The following SGCZ variants were observed in gnomAD, a reference collection of about 807,000 sequenced individuals.
SGCZ encodes zeta-sarcoglycan.
SGCZ carries 40 observed loss-of-function variants against 41.3 expected under a neutral mutation model. The ratio of observed to expected loss-of-function variants is 0.97; its 90% CI spans 0.75 to 1.26. The LOEUF is 1.26. Ranked by LOEUF, SGCZ falls within the 50% of genes most tolerant of loss-of-function variation. The probability of loss-of-function intolerance (pLI) is 0.00; values close to 1 mark genes in which losing one functional copy is unlikely to be tolerated. For missense variants in SGCZ, 552 were observed against 369.8 expected (o/e 1.49, Z -4.04); for synonymous variants, 206 against 137.5 (o/e 1.50, Z -3.49).
At chr8:14,995,035 C>A in intron 1 of SGCZ, among the ~76,000 whole-genome samples, 1 of 152,316 alleles carries the variant, frequency 6.6e-6, no homozygotes, top group Admixed American at 6.5e-5. Context: ...TTCTTAGGAC[C>A]ATGAGAAATC....
intron 4 of SGCZ, among the ~76,000 whole-genome samples, chr8:14,169,338 A>C (rs1333371373): frequency 6.6e-6 from 1 of 152,142 alleles, no homozygotes; most frequent in East Asian, 1.9e-4. Flanking sequence ...CCTTCTTGAA[A>C]GCATCTTATT....
chr8:14,727,706 G>A (rs1375672461), intron 1 of SGCZ, among the ~76,000 whole-genome samples: 3 of 151,954 alleles, frequency 2.0e-5, no homozygotes, highest in Non-Finnish European at 4.4e-5. Flanking sequence ...TGGAGACGGG[G>A]TTGCACCGTG....
intron 2 of SGCZ, among the ~76,000 whole-genome samples, chr8:14,484,718 A>T (rs1801626681): frequency 6.6e-6 from 1 of 152,166 alleles, no homozygotes; most frequent in Non-Finnish European, 1.5e-5. Flanking sequence ...CAATTTTAAA[A>T]TATTGTGCCC....
At chr8:14,104,844 A>G (rs1802152606) in intron 6 of SGCZ, among the ~76,000 whole-genome samples, 1 of 152,144 alleles carries the variant, frequency 6.6e-6, no homozygotes, top group Non-Finnish European at 1.5e-5. Context: ...AACAATGAGA[A>G]TTATGAAAAG....
intron 1 of SGCZ, among the ~76,000 whole-genome samples, chr8:14,745,573 T>C (rs1799317585): frequency 6.6e-6 from 1 of 152,046 alleles, no homozygotes; most frequent in South Asian, 2.1e-4. Flanking sequence ...AGACCCTGAC[T>C]CTAAATACAC....
At chr8:14,229,620 T>C (rs897578758) in intron 4 of SGCZ, among the ~76,000 whole-genome samples, 1 of 149,724 alleles carries the variant, frequency 6.7e-6, no homozygotes, top group Non-Finnish European at 1.5e-5. Context: ...CTTATTAAAT[T>C]ATCCCAGACT....
chr8:14,444,269 C>G (rs566959041), intron 2 of SGCZ, among the ~76,000 whole-genome samples: 4 of 152,078 alleles, frequency 2.6e-5, no homozygotes, highest in Non-Finnish European at 5.9e-5. Context: ...CCTCAGGGAT[C>G]TAGAACTAGA....
At chr8:14,346,181 G>A (rs1802886261) in intron 2 of SGCZ, among the ~76,000 whole-genome samples, 1 of 151,972 alleles carries the variant, frequency 6.6e-6, no homozygotes, top group African/African-American at 2.4e-5. Context: ...GTTACTAATA[G>A]GAGAAACTGG....
intron 4 of SGCZ, among the ~76,000 whole-genome samples, chr8:14,186,203 T>C (rs1422193001): frequency 6.6e-6 from 1 of 152,192 alleles, no homozygotes; most frequent in Non-Finnish European, 1.5e-5. Flanking sequence ...CAGCTTAAAA[T>C]CATTTTGAAA....
chr8:14,299,833 T>C (rs533049452), intron 3 of SGCZ, among the ~76,000 whole-genome samples: 1 of 151,564 alleles, frequency 6.6e-6, no homozygotes, highest in South Asian at 2.1e-4. Flanking sequence ...AATTTATATG[T>C]CTGAAGAAAA....
rs561693608 is a variant in SGCZ, at chr8:14,527,323, G to A, written c.234+27409C>T. 5.3e-5 allele frequency among the ~76,000 whole-genome samples: 8 copies of A among 152,194 alleles called. No homozygotes were observed. The South Asian group carries it at 1.7e-3, about 32-fold the overall frequency. ...TTCAGTTTGTTTGTTTGTTTGATAG[G>A]TGGGGTCTTGTTCTGTCATCCAGGC... is the stretch of plus-strand genomic sequence containing the variant. On this transcript the variant is annotated intron_variant, in intron 2 of 7. Transcript: ENST00000382080.
Position 14,719,859 on chromosome 8 carries a change from T to C in SGCZ, c.40-164933A>G, listed in dbSNP as rs1658511476. On this transcript the variant is annotated intron_variant, in intron 1 of 7. Transcript: ENST00000382080. ...GCTGTGCAGAAGCTCTTGAGTTTAA[T>C]GAGATCCCATTTGTCAATTTTGGCT... Among the ~76,000 whole-genome samples, 4 of 152,184 alleles carry C rather than the reference T, an allele frequency of 2.6e-5. No homozygotes were observed. In the East Asian group the frequency reaches 5.8e-4, roughly 22 times the overall value.
At chr8:14,632,360 A>T (rs1806686707) in intron 1 of SGCZ, among the ~76,000 whole-genome samples, 1 of 152,046 alleles carries the variant, frequency 6.6e-6, no homozygotes, top group African/African-American at 2.4e-5. Context: ...ATCTACCATT[A>T]TTAAAATATG....
chr8:14,884,762 A>G (rs183802464), intron 1 of SGCZ, among the ~76,000 whole-genome samples: 1 of 152,250 alleles, frequency 6.6e-6, no homozygotes, highest in Admixed American at 6.5e-5. Flanking sequence ...ATTATATTTT[A>G]TGTTACAAAT....
chr8:15,175,450 C>G (rs1799967448), intron 1 of SGCZ, among the ~76,000 whole-genome samples: 1 of 152,070 alleles, frequency 6.6e-6, no homozygotes, highest in African/African-American at 2.4e-5. Context: ...AAATCAGATA[C>G]TGGATGATCT....
intron 4 of SGCZ, among the ~76,000 whole-genome samples, chr8:14,216,010 G>A (rs927011015): frequency 2.6e-5 from 4 of 152,216 alleles, no homozygotes; most frequent in African/African-American, 9.6e-5. Flanking sequence ...AGCAGCTGCA[G>A]CCTCAACAAA....
chr8:14,648,211 A>G (rs1249559809), intron 1 of SGCZ, among the ~76,000 whole-genome samples: 3 of 152,148 alleles, frequency 2.0e-5, no homozygotes, highest in Non-Finnish European at 4.4e-5. Flanking sequence ...ATCAAAAAAT[A>G]TTACAAACTT....
intron 3 of SGCZ, among the ~76,000 whole-genome samples, chr8:14,269,840 C>T (rs926743205): frequency 3.9e-5 from 6 of 152,040 alleles, no homozygotes; most frequent in African/African-American, 9.7e-5. Flanking sequence ...GCTTGATATC[C>T]TTTCAATAAT....
At chr8:14,501,828 T>C (rs1449402178) in intron 2 of SGCZ, among the ~76,000 whole-genome samples, 1 of 152,064 alleles carries the variant, frequency 6.6e-6, no homozygotes, top group African/African-American at 2.4e-5. Flanking sequence ...TAACATATAA[T>C]AGGATGAGGT....
Sources: allele counts gnomAD v4.1 joint callset (sites outside exome capture counted in the v4.1 genomes callset), GRCh38; gene constraint gnomAD v4.1.1; transcripts MANE v1.5; gene names NCBI Gene and HGNC (gene_info 2026-07-23, HGNC 2026-07-21).